GPC6: variants seen among roughly 807,000 people sequenced by gnomAD.
GPC6 encodes the protein glypican 6, also known as glypican-6.
GPC6 carries 14 observed loss-of-function variants against 55.2 expected under a neutral mutation model. The observed-to-expected ratio is 0.25, with a 90% CI of 0.17 to 0.40. The LOEUF is 0.40. GPC6 is among the 10% of genes least tolerant of loss of function. The probability of loss-of-function intolerance (pLI) is 1.00; values close to 1 mark genes in which losing one functional copy is unlikely to be tolerated. For missense variants in GPC6, 641 were observed against 708.5 expected (o/e 0.90, Z 1.08); for synonymous variants, 278 against 259.6 (o/e 1.07, Z -0.68).
chr13:93,883,926 A>G (rs1263167116), intron 3 of GPC6, among the ~76,000 whole-genome samples: 1 of 152,162 alleles, frequency 6.6e-6, no homozygotes, highest in Non-Finnish European at 1.5e-5. Flanking sequence ...TTATTGATGA[A>G]CACATAAAAT....
chr13:93,492,488 C>G (rs898563028), intron 1 of GPC6, among the ~76,000 whole-genome samples: 20 of 151,158 alleles, frequency 1.3e-4, no homozygotes, highest in Non-Finnish European at 2.8e-4. Flanking sequence ...TTGACTTCCT[C>G]TTTTCCCTAT....
At chr13:94,290,429 TAA>T (rs532958421) in intron 5 of GPC6, among the ~76,000 whole-genome samples, 349 of 99,000 alleles carry the variant, frequency 3.5e-3, no homozygotes, top group African/African-American at 9.2e-3. Flanking sequence ...TCTAGAAAGG[TAA>T]AAAAAAAAAA....
chr13:93,546,379 T>A (rs1566416485), intron 2 of GPC6, among the ~76,000 whole-genome samples: 1 of 152,208 alleles, frequency 6.6e-6, no homozygotes, highest in Non-Finnish European at 1.5e-5. Context: ...GGTAAAATGT[T>A]CCATTTTATT....
chr13:93,265,785 A>G (rs939601483), intron 1 of GPC6, among the ~76,000 whole-genome samples: 2 of 149,628 alleles, frequency 1.3e-5, no homozygotes, highest in African/African-American at 4.9e-5. Context: ...TTTTTCTTTT[A>G]TTTCTTTTTT....
chr13:93,802,242 T>C (rs1202148688), intron 2 of GPC6, among the ~76,000 whole-genome samples: 1 of 152,192 alleles, frequency 6.6e-6, no homozygotes. Context: ...ATTTTTTTCC[T>C]GTATTCCCTT....
intron 3 of GPC6, among the ~76,000 whole-genome samples, chr13:93,951,111 C>T (rs770525834): frequency 9.2e-5 from 14 of 152,146 alleles, no homozygotes; most frequent in Non-Finnish European, 1.6e-4. Context: ...ATGTAACTTA[C>T]ATTTCTCAGG....
chr13:93,330,104 T>C (rs1879794647), intron 1 of GPC6, among the ~76,000 whole-genome samples: 1 of 152,210 alleles, frequency 6.6e-6, no homozygotes, highest in African/African-American at 2.4e-5. Flanking sequence ...TGGATGCATT[T>C]TGCATTTGGG....
rs77649597 is a variant in GPC6, at chr13:94,318,279, G to C, written c.1152+12156G>C. 1.9e-4 allele frequency among the ~76,000 whole-genome samples: 29 copies of C among 152,194 alleles called. No individual in the cohort carries two copies. The East Asian group carries it at 5.4e-3, about 28-fold the overall frequency. ...ACCTATTTTTCTTTGTTTTGCAGTA[G>C]CTCCCCTTTATCCATGGAGGCTATG... On this transcript the variant is annotated intron_variant, in intron 6 of 8. Transcript: ENST00000377047.
At chr13:93,524,697 G>A (rs775994323) in intron 1 of GPC6, among the ~76,000 whole-genome samples, 46 of 152,000 alleles carry the variant, frequency 3.0e-4, no homozygotes, top group African/African-American at 9.9e-4. Flanking sequence ...AAGATTCATC[G>A]TTATGTTTGA....
intron 2 of GPC6, among the ~76,000 whole-genome samples, chr13:93,824,207 A>T (rs948803969): frequency 1.1e-4 from 17 of 152,292 alleles, no homozygotes; most frequent in East Asian, 7.7e-4. Flanking sequence ...ATTGCTTTTT[A>T]AAAAAACTGT....
At position 93,825,874 on chromosome 13, in the gene GPC6, T is replaced by C. The variant is rs1035702383; in HGVS notation, c.320-4280T>C. Reference sequence around the variant, plus strand: ...TTTATTATTTTCTTTTTTTTTTTTTTTTTTTGAGATGGATCTTGCTCTGTC... The same window carrying C: ...TTTATTATTTTCTTTTTTTTTTTTTCTTTTTGAGATGGATCTTGCTCTGTC... On this transcript the variant is annotated intron_variant, in intron 2 of 8. Transcript: ENST00000377047. Among the ~76,000 whole-genome samples, 4 of 147,362 alleles carry C rather than the reference T, an allele frequency of 2.7e-5. No individual in the cohort carries two copies. The East Asian group carries it at 7.9e-4, about 29-fold the overall frequency.
chr13:93,804,004 C>CATAA (rs1886461904), intron 2 of GPC6, among the ~76,000 whole-genome samples: 1 of 151,876 alleles, frequency 6.6e-6, no homozygotes, highest in African/African-American at 2.4e-5. Context: ...GGTTGCACAT[C>CATAA]CTAGAGCAGT....
intron 1 of GPC6, among the ~76,000 whole-genome samples, chr13:93,372,036 T>C (rs913867751): frequency 3.9e-5 from 6 of 152,172 alleles, no homozygotes; most frequent in African/African-American, 1.4e-4. Context: ...GGCCTATTTC[T>C]GAAGTGATGA....
At chr13:93,524,287 C>T (rs1259289134) in intron 1 of GPC6, among the ~76,000 whole-genome samples, 2 of 151,962 alleles carry the variant, frequency 1.3e-5, no homozygotes, top group Non-Finnish European at 2.9e-5. Context: ...AACAGGCATG[C>T]AATCAAAGAC....
At chr13:94,159,666 A>C (rs960194316) in intron 4 of GPC6, among the ~76,000 whole-genome samples, 3 of 152,292 alleles carry the variant, frequency 2.0e-5, no homozygotes, top group African/African-American at 7.2e-5. Flanking sequence ...GGAAACAACT[A>C]AGACTAGAAA....
At chr13:94,154,059 A>G (rs1391849520) in intron 4 of GPC6, 2 of 152,204 alleles carry the variant, frequency 1.3e-5, no homozygotes, top group Non-Finnish European at 2.9e-5. Context: ...AATATAAATA[A>G]CACAAATAGC....
At chr13:94,271,356 ACACACACACACGCGCGCGCGCGCGCG>A (rs1325356590) in intron 4 of GPC6, among the ~76,000 whole-genome samples, 18 of 96,884 alleles carry the variant, frequency 1.9e-4, no homozygotes, top group South Asian at 6.6e-4. Context: ...CTTGTTAAAT[ACACACACACACGCGCGCGCGCGCGCG>A]CACACACACA....
chr13:93,860,459 T>A (rs895765394), intron 3 of GPC6, among the ~76,000 whole-genome samples: 3 of 151,752 alleles, frequency 2.0e-5, no homozygotes, highest in African/African-American at 7.2e-5. Context: ...ATAGGGTAGT[T>A]TTTTCTGGAT....
At chr13:93,711,551 A>T (rs1296745614) in intron 2 of GPC6, among the ~76,000 whole-genome samples, 1 of 151,330 alleles carries the variant, frequency 6.6e-6, no homozygotes, top group Non-Finnish European at 1.5e-5. Flanking sequence ...AAAATCAGAC[A>T]TAAATATGTC....
Sources: gnomAD v4.1 joint callset for allele counts (sites outside exome capture counted in the v4.1 genomes callset) on GRCh38, gnomAD v4.1.1 for gene constraint, MANE v1.5 for transcripts, NCBI Gene and HGNC (gene_info 2026-07-23, HGNC 2026-07-21) for gene names.